PDE1C: variants seen among roughly 807,000 people sequenced by gnomAD.
The protein encoded by PDE1C is phosphodiesterase 1C.
Under a neutral mutation model 93.1 loss-of-function variants are expected in PDE1C, and 62 were observed. That is an observed-to-expected ratio of 0.67 (90% CI 0.54 to 0.82). The LOEUF (loss-of-function observed/expected upper bound fraction) is 0.82. PDE1C is among the 40% of genes least tolerant of loss of function. The probability of loss-of-function intolerance (pLI) is 0.00; values close to 1 mark genes in which losing one functional copy is unlikely to be tolerated. For missense variants in PDE1C, 742 were observed against 884.6 expected (o/e 0.84, Z 2.04); for synonymous variants, 325 against 310.1 (o/e 1.05, Z -0.50).
At chr7:32,000,755 G>C (rs148354191) in intron 2 of PDE1C, among the ~76,000 whole-genome samples, 1 of 152,048 alleles carries the variant, frequency 6.6e-6, no homozygotes, top group Non-Finnish European at 1.5e-5. Context: ...GGGGATGTCT[G>C]GTACCCTGGA....
At chr7:32,070,564 G>C, upstream of PDE1C, 1 of 1,441,916 alleles carries the variant, frequency 6.9e-7, no homozygotes, top group Non-Finnish European at 9.1e-7. Flanking sequence ...AGCGGACTCC[G>C]ATCGCGGCAA....
chr7:32,210,700 A>G (rs922020588), intron 1 of PDE1C, among the ~76,000 whole-genome samples: 2 of 152,188 alleles, frequency 1.3e-5, no homozygotes, highest in African/African-American at 4.8e-5. Context: ...AATAAGGCCA[A>G]TTACTAATTT....
chr7:32,216,527 G>A (rs1806447032), intron 1 of PDE1C, among the ~76,000 whole-genome samples: 1 of 152,190 alleles, frequency 6.6e-6, no homozygotes, highest in Admixed American at 6.5e-5. Context: ...TTCAGAACGT[G>A]ATGGAGCCAA....
At chr7:31,678,852 G>A in the PDE1C span, among the ~76,000 whole-genome samples, 3 of 152,228 alleles carry the variant, frequency 2.0e-5, no homozygotes, top group African/African-American at 7.2e-5. Flanking sequence ...GGGCGTAGTG[G>A]GCAGCCTGGT....
chr7:32,333,829 A>AT (rs977744068), intron 1 of PDE1C, among the ~76,000 whole-genome samples: 2 of 152,342 alleles, frequency 1.3e-5, no homozygotes, highest in Admixed American at 1.3e-4. Flanking sequence ...AGTTTTACCC[A>AT]TTTTAACATA....
intron 1 of PDE1C, among the ~76,000 whole-genome samples, chr7:32,389,913 GA>G (rs1440786704): frequency 6.6e-6 from 1 of 152,088 alleles, no homozygotes; most frequent in Non-Finnish European, 1.5e-5. Flanking sequence ...AATTCCAACT[GA>G]CACAAAGTTT....
chr7:31,988,955 A>T (rs1398405169), intron 2 of PDE1C, among the ~76,000 whole-genome samples: 5 of 139,586 alleles, frequency 3.6e-5, no homozygotes. Flanking sequence ...AGATTAAACC[A>T]TTGCACTCCA....
At chr7:32,103,510 G>T (rs1798137795) in intron 3 of PDE1C, among the ~76,000 whole-genome samples, 3 of 152,116 alleles carry the variant, frequency 2.0e-5, no homozygotes, top group Admixed American at 6.5e-5. Context: ...TTGAGAAACT[G>T]AGGAGCTCTA....
At chr7:32,328,975 G>A (rs1017811430) in intron 1 of PDE1C, among the ~76,000 whole-genome samples, 1 of 152,204 alleles carries the variant, frequency 6.6e-6, no homozygotes, top group African/African-American at 2.4e-5. Flanking sequence ...GCTCACACCT[G>A]TAATCCAGCA....
At chr7:32,201,323 G>C (rs1437666262) in intron 2 of PDE1C, among the ~76,000 whole-genome samples, 1 of 152,182 alleles carries the variant, frequency 6.6e-6, no homozygotes, top group East Asian at 1.9e-4. Context: ...AGAGGAGGAG[G>C]TGCTTGGAGT....
the PDE1C span, among the ~76,000 whole-genome samples, chr7:31,659,972 A>G: frequency 0.77 from 116,575 of 152,060 alleles, 44,747 homozygotes; most frequent in East Asian, 0.82. Flanking sequence ...TCATGGGTGC[A>G]GTTGTCCTCA....
the PDE1C span, among the ~76,000 whole-genome samples, chr7:31,619,123 A>G: frequency 6.6e-6 from 1 of 152,214 alleles, no homozygotes; most frequent in African/African-American, 2.4e-5. Flanking sequence ...ATTAGTCACA[A>G]CATTTCATTA....
At chr7:31,788,146 T>C (rs554074789) in intron 16 of PDE1C, 2 of 152,262 alleles carry the variant, frequency 1.3e-5, no homozygotes, top group Middle Eastern at 6.8e-3. Context: ...TTTTCAAATG[T>C]TGTTTCTTGT....
At chr7:32,125,307 T>G (rs1011276987) in intron 3 of PDE1C, among the ~76,000 whole-genome samples, 2 of 152,184 alleles carry the variant, frequency 1.3e-5, no homozygotes, top group Non-Finnish European at 2.9e-5. Flanking sequence ...GAAGACAGTA[T>G]AGCAATTCCT....
chr7:31,658,462 G>A, the PDE1C span: 1 of 1,351,332 alleles, frequency 7.4e-7, no homozygotes, highest in Non-Finnish European at 9.6e-7. Flanking sequence ...TAGAACATTT[G>A]TAAAGAGGTT....
chr7:32,216,575 A>T (rs1806449426), intron 1 of PDE1C, among the ~76,000 whole-genome samples: 1 of 152,224 alleles, frequency 6.6e-6, no homozygotes, highest in African/African-American at 2.4e-5. Context: ...AGGTGCAAGG[A>T]TATCACATCC....
intron 1 of PDE1C, among the ~76,000 whole-genome samples, chr7:32,397,165 TATC>T (rs1213531431): frequency 6.6e-6 from 1 of 151,670 alleles, no homozygotes; most frequent in Non-Finnish European, 1.5e-5. Flanking sequence ...TGACAAAAAA[TATC>T]ATAACCAAAG....
At chr7:31,692,833 G>A in the PDE1C span, among the ~76,000 whole-genome samples, 1 of 152,222 alleles carries the variant, frequency 6.6e-6, no homozygotes, top group South Asian at 2.1e-4. Flanking sequence ...GGCAATAAAT[G>A]GAATGTGTCA....
At chr7:32,194,059 C>T (rs1037130352) in intron 2 of PDE1C, among the ~76,000 whole-genome samples, 10 of 151,810 alleles carry the variant, frequency 6.6e-5, no homozygotes, top group African/African-American at 1.7e-4. Flanking sequence ...GGACTACAGG[C>T]GCCCGCCACC....
Sources: gnomAD v4.1 joint callset for allele counts (sites outside exome capture counted in the v4.1 genomes callset) on GRCh38, gnomAD v4.1.1 for gene constraint, MANE v1.5 for transcripts, NCBI Gene and HGNC (gene_info 2026-07-23, HGNC 2026-07-21) for gene names.